Variants in SLC10A6 observed in about 807,000 individuals in gnomAD.
SLC10A6 encodes the protein solute carrier family 10 member 6, also known as sodium-dependent organic anion transporter.
SLC10A6 carries 27 observed loss-of-function variants against 30.0 expected under a neutral mutation model. The observed-to-expected ratio is 0.90, with a 90% confidence interval of 0.66 to 1.24. The LOEUF (loss-of-function observed/expected upper bound fraction) is 1.24, where lower values mean the gene tolerates loss of function less well. Among genes scored for constraint, SLC10A6 ranks in the 50% most tolerant of loss-of-function variants. The pLI, the probability that SLC10A6 is intolerant of heterozygous loss-of-function variation, is 0.00. For missense variants in SLC10A6, 439 were observed against 457.0 expected, an observed-to-expected ratio of 0.96 and a Z score of 0.36; for synonymous variants, 166 against 173.8, an observed-to-expected ratio of 0.95 and a Z score of 0.36.
At chr4:86,834,993 T>C (rs1457551657) in intron 1 of SLC10A6, among the ~76,000 whole-genome samples, 1 of 152,072 alleles carries the variant, frequency 6.6e-6, no homozygotes, top group Non-Finnish European at 1.5e-5. Flanking sequence ...GCATTAACCA[T>C]TCATGAGAGA....
intron 1 of SLC10A6, among the ~76,000 whole-genome samples, chr4:86,841,332 T>C (rs1219516199): frequency 1.3e-5 from 2 of 152,232 alleles, no homozygotes; most frequent in African/African-American, 4.8e-5. Flanking sequence ...GAGGTTATCC[T>C]GGTGCTCTGC....
In SLC10A6 at chr4:86,834,943, GAACT is replaced by G. The variant is rs555214589; in HGVS notation, c.378-1523_378-1520del. ...ACTTTTAAACAACCAGATCTCATGTGAACTAACTAAGCAAGAACTCACTTATCAC... is the reference window on the plus strand; with the variant it reads ...ACTTTTAAACAACCAGATCTCATGTGAACTAAGCAAGAACTCACTTATCAC... On this transcript the variant is annotated intron_variant, in intron 1 of 5. Coordinates refer to ENST00000273905, the MANE Select transcript of SLC10A6 (RefSeq NM_197965.3). Among the ~76,000 whole-genome samples, 25 of 152,266 alleles carry G rather than the reference GAACT, an allele frequency of 1.6e-4. No individual in the cohort carries two copies. In the East Asian group the frequency reaches 4.2e-3, roughly 26 times the overall value.
intron 1 of SLC10A6, among the ~76,000 whole-genome samples, chr4:86,835,492 C>T (rs748949239): frequency 6.6e-6 from 1 of 152,070 alleles, no homozygotes; most frequent in Non-Finnish European, 1.5e-5. Flanking sequence ...CATGGTGAAA[C>T]CCTGTCTCTA....
At chr4:86,838,494 TTC>T (rs1237615159) in intron 1 of SLC10A6, among the ~76,000 whole-genome samples, 2 of 152,230 alleles carry the variant, frequency 1.3e-5, no homozygotes, top group East Asian at 3.8e-4. Context: ...TATGGAAATA[TTC>T]TCTCTGTCTC....
rs1198794792 is a variant in SLC10A6, at chr4:86,849,175, C to A, written c.-60G>T. On this transcript the variant is annotated 5_prime_UTR_variant, in exon 1 of 6. An upstream open reading frame in the 5' UTR loses its in-frame stop. Transcript: ENST00000273905. ...CATCGGCAACAATGGCTGGGCAGGT[C>A]TATCCTGCCACATTTTGTAATAGTG... 2 of 1,537,786 alleles carry A rather than the reference C, an allele frequency of 1.3e-6. No individual in the cohort carries two copies. The highest frequency in any genetic ancestry group is 1.4e-5 in the African/African-American group (1 of 72,686).
chr4:86,836,949 G>A (rs1746196068), intron 1 of SLC10A6, among the ~76,000 whole-genome samples: 2 of 151,784 alleles, frequency 1.3e-5, no homozygotes, highest in Non-Finnish European at 2.9e-5. Flanking sequence ...GTAGAGATGG[G>A]ATTTCACCAT....
chr4:86,826,890 A>C (rs1341464742), intron 4 of SLC10A6, among the ~76,000 whole-genome samples: 1 of 152,232 alleles, frequency 6.6e-6, no homozygotes, highest in Non-Finnish European at 1.5e-5. Context: ...CCTCTGTGCA[A>C]GCTGGACTGG....
chr4:86,828,130 G>T lies in SLC10A6; in HGVS notation c.624C>A (p.Val208=), dbSNP rs368154278. 5 of 1,613,514 alleles carry T rather than the reference G, an allele frequency of 3.1e-6. No homozygotes were observed. Among genetic ancestry groups the T allele is most frequent in the Middle Eastern group, 1.7e-4 (1 of 6,056 alleles). ...AVVGGVLLLV[V]AVAGVVLAKG... is the part of the protein sequence containing the mutation. ...TCGCCAGGACCACACCAGCAACTGC[G>T]ACCACCAGAAGGAGGACCCCACCAA... is the stretch of plus-strand genomic sequence containing the variant. The change falls in exon 4 of 6, where the codon GTC becomes GTA. Residue 208 remains valine, a synonymous_variant. Transcript: ENST00000273905.
At chr4:86,845,572 C>T (rs1009623525) in intron 1 of SLC10A6, among the ~76,000 whole-genome samples, 3 of 152,162 alleles carry the variant, frequency 2.0e-5, no homozygotes, top group Non-Finnish European at 2.9e-5. Context: ...GGTATCAGAG[C>T]CTGCCTTATC....
At chr4:86,842,056 T>C (rs1180712337) in intron 1 of SLC10A6, among the ~76,000 whole-genome samples, 1 of 152,216 alleles carries the variant, frequency 6.6e-6, no homozygotes, top group Non-Finnish European at 1.5e-5. Context: ...GAGTATTATT[T>C]TCATTGTATA....
intron 1 of SLC10A6, among the ~76,000 whole-genome samples, chr4:86,835,470 C>G (rs1267769098): frequency 6.6e-6 from 1 of 152,162 alleles, no homozygotes. Context: ...AGTTCGAGAC[C>G]AGCCTGGCCA....
chr4:86,835,234 C>A (rs541782653), intron 1 of SLC10A6, among the ~76,000 whole-genome samples: 2 of 152,226 alleles, frequency 1.3e-5, no homozygotes, highest in Non-Finnish European at 2.9e-5. Context: ...GTGACCCCCA[C>A]AGTCGCTGAC....
At chr4:86,828,605 G>A (rs1235144633) in intron 3 of SLC10A6, among the ~76,000 whole-genome samples, 7 of 151,550 alleles carry the variant, frequency 4.6e-5, no homozygotes, top group African/African-American at 7.3e-5. Flanking sequence ...CCCTCCCACC[G>A]CCCCTTCAAC....
chr4:86,849,194 A>T lies in SLC10A6; in HGVS notation c.-79T>A. The T allele has an allele frequency of 6.7e-7, 1 of 1,496,682 alleles. No individual in the cohort carries two copies. The highest frequency in any genetic ancestry group is 9.0e-7 in the Non-Finnish European group (1 of 1,113,752). The allele number at this position is 1,496,682 out of a possible 1,614,324, so 92.7% of individuals were successfully genotyped here. On this transcript the variant is annotated 5_prime_UTR_variant, in exon 1 of 6. It introduces an in-frame stop codon into an upstream open reading frame of the 5' UTR. Coordinates refer to ENST00000273905, the MANE Select transcript of SLC10A6 (RefSeq NM_197965.3). ...GCAGGTCTATCCTGCCACATTTTGT[A>T]ATAGTGCAACGAAGTCACACATGGA...
rs777827325 is a variant in SLC10A6, at chr4:86,849,119, C to T, written c.-4G>A. 1.2e-6 allele frequency: 2 copies of T among 1,610,434 alleles called. No individual in the cohort carries two copies. The highest frequency in any genetic ancestry group is 1.1e-5 in the South Asian group (1 of 90,370). On this transcript the variant is annotated 5_prime_UTR_variant, in exon 1 of 6. Coordinates refer to ENST00000273905, the MANE Select transcript of SLC10A6 (RefSeq NM_197965.3). Reference sequence around the variant, plus strand: ...TGCTGGAACAATTGGCTCTCATCTCCTCATCTCCTTAAGGCAGCATTACAA... The same window carrying T: ...TGCTGGAACAATTGGCTCTCATCTCTTCATCTCCTTAAGGCAGCATTACAA...
chr4:86,833,454 A>C, intron 1 of SLC10A6, 30 bp from the exon 2 acceptor site: 1 of 1,515,196 alleles, frequency 6.6e-7, no homozygotes, highest in Middle Eastern at 1.7e-4. Context: ...AATGCTTAGG[A>C]GGGAGCATTG....
rs761927389 is a variant in SLC10A6, at chr4:86,848,807, CATG to C, written c.306_308del (p.Ile102del). On this transcript the variant is annotated inframe_deletion, in exon 1 of 6. Transcript: ENST00000273905. ...AGATGGTGCCCCCCGGGCAGCAGCCCATGATGAGAACAGCAATAGCTTGGACTG... is the reference window on the plus strand; with the variant it reads ...AGATGGTGCCCCCCGGGCAGCAGCCCATGAGAACAGCAATAGCTTGGACTG... 4 of 1,613,834 alleles carry C rather than the reference CATG, an allele frequency of 2.5e-6. No individual in the cohort carries two copies. The highest frequency in any genetic ancestry group is 1.7e-5 in the Admixed American group (1 of 59,980).
intron 3 of SLC10A6, among the ~76,000 whole-genome samples, chr4:86,831,046 C>T (rs375847886): frequency 2.6e-5 from 4 of 152,138 alleles, no homozygotes; most frequent in East Asian, 1.9e-4. Context: ...GATAATGGCT[C>T]ACTGTAGCCT....
chr4:86,839,214 T>A (rs1052616456), intron 1 of SLC10A6, among the ~76,000 whole-genome samples: 3 of 150,014 alleles, frequency 2.0e-5, no homozygotes, highest in African/African-American at 7.4e-5. Context: ...ATTGGGAGGA[T>A]TGCTTAAGAC....
Sources: gnomAD v4.1 joint callset for allele counts (sites outside exome capture counted in the v4.1 genomes callset) on GRCh38, gnomAD v4.1.1 for gene constraint, MANE v1.5 for transcripts, NCBI Gene and HGNC (gene_info 2026-07-23, HGNC 2026-07-21) for gene names.